Variants in KCNIP4 observed in about 807,000 individuals in gnomAD.
KCNIP4 encodes the protein Kv channel-interacting protein 4.
Under a neutral mutation model 34.0 loss-of-function variants are expected in KCNIP4, and 12 were observed. That is an observed-to-expected ratio of 0.35 (90% CI 0.23 to 0.57). KCNIP4 has a LOEUF of 0.57. Ranked by LOEUF, KCNIP4 falls within the 20% of genes least tolerant of loss-of-function variation. KCNIP4 has a pLI of 0.83. For synonymous variants in KCNIP4, 124 were observed against 102.2 expected (o/e 1.21, Z -1.29); for missense variants, 238 against 311.7 (o/e 0.76, Z 1.78).
intron 1 of KCNIP4, among the ~76,000 whole-genome samples, chr4:21,043,955 C>T (rs1204364584): frequency 6.6e-6 from 1 of 152,020 alleles, no homozygotes; most frequent in African/African-American, 2.4e-5. Context: ...AGCAAAATGC[C>T]ATTGGTTTCC....
chr4:21,525,494 T>G (rs1397654515), intron 1 of KCNIP4, among the ~76,000 whole-genome samples: 2 of 152,114 alleles, frequency 1.3e-5, no homozygotes, highest in Non-Finnish European at 2.9e-5. Context: ...CCAACCCCCA[T>G]AAAAATATTT....
chr4:20,942,712 C>T (rs1731766672), intron 1 of KCNIP4, among the ~76,000 whole-genome samples: 1 of 151,978 alleles, frequency 6.6e-6, no homozygotes, highest in African/African-American at 2.4e-5. Flanking sequence ...GCTCTTGTTG[C>T]CCAGGCTGGA....
chr4:20,818,517 G>A (rs1456271410), intron 3 of KCNIP4, among the ~76,000 whole-genome samples: 1 of 152,168 alleles, frequency 6.6e-6, no homozygotes, highest in Non-Finnish European at 1.5e-5. Context: ...TCCCTTGGGG[G>A]ACTTTTTGGA....
intron 1 of KCNIP4, among the ~76,000 whole-genome samples, chr4:21,601,828 A>G (rs910241333): frequency 2.0e-5 from 3 of 152,078 alleles, no homozygotes; most frequent in African/African-American, 7.2e-5. Context: ...ATGCTTATGC[A>G]TGGCTGGTTC....
rs558860888 is a variant in KCNIP4, at chr4:20,747,682, A to G, written c.429+1980T>C. On this transcript the variant is annotated intron_variant, in intron 5 of 8. Transcript: ENST00000382152. The stretch of plus-strand genomic sequence containing the variant: ...CTTTTATTTTTCTCTTCTCAGTGCT[A>G]TTTCTCACTTAAGTTATGGGAGATG... 8.6e-5 allele frequency among the ~76,000 whole-genome samples: 13 copies of G among 151,788 alleles called. No individual in the cohort carries two copies. In the South Asian group the frequency reaches 2.5e-3, roughly 29 times the overall value.
chr4:21,179,131 C>G (rs1313284748), intron 1 of KCNIP4, among the ~76,000 whole-genome samples: 1 of 152,132 alleles, frequency 6.6e-6, no homozygotes, highest in East Asian at 1.9e-4. Context: ...TCTATATTTT[C>G]TATTATCTTT....
chr4:21,170,363 T>A (rs1014759051), intron 1 of KCNIP4, among the ~76,000 whole-genome samples: 1 of 152,162 alleles, frequency 6.6e-6, no homozygotes, highest in Non-Finnish European at 1.5e-5. Context: ...TTTGAAGAAA[T>A]GTTGTTTTCT....
intron 1 of KCNIP4, among the ~76,000 whole-genome samples, chr4:20,892,518 C>T (rs1021551395): frequency 1.3e-5 from 2 of 152,120 alleles, no homozygotes; most frequent in Non-Finnish European, 2.9e-5. Context: ...TGTTCTACAT[C>T]TCTGTTTGTG....
chr4:21,450,921 T>G (rs1728461041), intron 1 of KCNIP4, among the ~76,000 whole-genome samples: 1 of 152,152 alleles, frequency 6.6e-6, no homozygotes, highest in African/African-American at 2.4e-5. Context: ...TATTTGAAAA[T>G]CACAAATAAT....
At position 21,622,671 on chromosome 4, in the gene KCNIP4, C is replaced by A. The variant is rs374316510; in HGVS notation, c.61+325900G>T. The stretch of plus-strand genomic sequence containing the variant: ...TTAAAATTTAATTAAAACTATAAAA[C>A]TACATAATTCTCCATATTTATAATT... On this transcript the variant is annotated intron_variant, in intron 1 of 8. Coordinates refer to ENST00000382152, the MANE Select transcript of KCNIP4 (RefSeq NM_025221.6). Among the ~76,000 whole-genome samples, 3 of 151,976 alleles carry A rather than the reference C, an allele frequency of 2.0e-5. No homozygotes were observed. In the East Asian group the frequency reaches 5.8e-4, roughly 29 times the overall value.
intron 5 of KCNIP4, among the ~76,000 whole-genome samples, chr4:20,741,429 A>T (rs942979488): frequency 2.6e-5 from 4 of 152,236 alleles, no homozygotes; most frequent in African/African-American, 9.6e-5. Flanking sequence ...TCAAAACTGC[A>T]CAACTACTTG....
At chr4:21,868,099 A>T (rs547980704) in intron 1 of KCNIP4, among the ~76,000 whole-genome samples, 14 of 152,190 alleles carry the variant, frequency 9.2e-5, no homozygotes, top group Non-Finnish European at 2.1e-4. Context: ...GGGATAATTA[A>T]TCTTTTCAGT....
intron 1 of KCNIP4, among the ~76,000 whole-genome samples, chr4:21,834,424 A>AGG (rs1409015320): frequency 1.3e-5 from 2 of 152,090 alleles, no homozygotes; most frequent in Non-Finnish European, 2.9e-5. Flanking sequence ...AATGCTTGTG[A>AGG]TTTTTGTACA....
intron 1 of KCNIP4, among the ~76,000 whole-genome samples, chr4:21,248,304 G>C (rs999701192): frequency 1.3e-5 from 2 of 151,954 alleles, no homozygotes; most frequent in East Asian, 3.9e-4. Flanking sequence ...TCTTAGCTTG[G>C]TTGCTCGCCT....
intron 1 of KCNIP4, among the ~76,000 whole-genome samples, chr4:21,658,263 C>G (rs1748135156): frequency 6.6e-6 from 1 of 152,212 alleles, no homozygotes; most frequent in African/African-American, 2.4e-5. Context: ...ACTAAACATA[C>G]TGTAATTTTA....
chr4:21,181,616 T>A (rs1754850957), intron 1 of KCNIP4, among the ~76,000 whole-genome samples: 1 of 151,562 alleles, frequency 6.6e-6, no homozygotes, highest in Admixed American at 6.6e-5. Context: ...ATTTAGGGAG[T>A]TTTTCATGTA....
intron 1 of KCNIP4, among the ~76,000 whole-genome samples, chr4:21,361,222 C>G (rs1044040483): frequency 6.6e-6 from 1 of 152,004 alleles, no homozygotes; most frequent in African/African-American, 2.4e-5. Context: ...TACCTTATAA[C>G]TTGTTAGCTG....
chr4:21,089,007 T>A (rs1485827927), intron 1 of KCNIP4, among the ~76,000 whole-genome samples: 2 of 152,232 alleles, frequency 1.3e-5, no homozygotes, highest in Non-Finnish European at 2.9e-5. Flanking sequence ...TGTGATATCA[T>A]GTCCTATTAT....
intron 2 of KCNIP4, among the ~76,000 whole-genome samples, chr4:20,861,787 T>A (rs1393534586): frequency 6.6e-6 from 1 of 152,026 alleles, no homozygotes; most frequent in African/African-American, 2.4e-5. Context: ...AACAACCCAG[T>A]GGTGAACAGC....
Sources: allele counts gnomAD v4.1 joint callset (sites outside exome capture counted in the v4.1 genomes callset), GRCh38; gene constraint gnomAD v4.1.1; transcripts MANE v1.5; gene names NCBI Gene and HGNC (gene_info 2026-07-23, HGNC 2026-07-21).